The following DTNA variants were observed in gnomAD, a reference collection of about 807,000 sequenced individuals.
The protein encoded by DTNA is dystrobrevin alpha.
In DTNA, 43 loss-of-function variants were observed where a neutral mutation model predicts 100.7. That is an observed-to-expected ratio of 0.43 (90% CI 0.33 to 0.55). The LOEUF is 0.55. Among genes scored for constraint, DTNA ranks in the 20% least tolerant of loss-of-function variants. The pLI, the probability that DTNA is intolerant of heterozygous loss-of-function variation, is 0.04. For synonymous variants in DTNA, 349 were observed against 347.9 expected (o/e 1.00, Z -0.04); for missense variants, 798 against 953.9 (o/e 0.84, Z 2.15).
At position 34,877,692 on chromosome 18, in the gene DTNA, T is replaced by G. The variant is rs750852657; in HGVS notation, c.1904-27T>G. Reference sequence around the variant, plus strand: ...TTTAGGATAGAAGGAAGCTTTGGTTTTTTAAATTATTTCTTCTTCCCTGAA... The same window carrying G: ...TTTAGGATAGAAGGAAGCTTTGGTTGTTTAAATTATTTCTTCTTCCCTGAA... On this transcript the variant is annotated intron_variant, in intron 18 of 22. Coordinates refer to ENST00000444659, the MANE Select transcript of DTNA (RefSeq NM_001386795.1). The G allele has an allele frequency of 1.8e-5, 29 of 1,604,020 alleles. No homozygotes were observed. The Admixed American group carries it at 2.5e-4, about 14-fold the overall frequency.
intron 1 of DTNA, among the ~76,000 whole-genome samples, chr18:34,521,931 G>A (rs1032283695): frequency 1.3e-5 from 2 of 152,112 alleles, no homozygotes; most frequent in African/African-American, 4.8e-5. Flanking sequence ...CAAGGGAAGG[G>A]ATTTTTATCT....
intron 3 of DTNA, among the ~76,000 whole-genome samples, chr18:34,776,490 T>C (rs1817451): frequency 0.98 from 149,915 of 152,254 alleles, 73,837 homozygotes; most frequent in East Asian, 1. Context: ...TACAGGCACT[T>C]GCCACCACAC....
intron 1 of DTNA, among the ~76,000 whole-genome samples, chr18:34,704,249 T>C (rs1420875809): frequency 6.6e-6 from 1 of 152,208 alleles, no homozygotes. Context: ...TAATTACTTG[T>C]CCTTTCCCCA....
chr18:34,775,040 A>G (rs1021692660), intron 3 of DTNA, among the ~76,000 whole-genome samples: 1 of 152,206 alleles, frequency 6.6e-6, no homozygotes, highest in Non-Finnish European at 1.5e-5. Flanking sequence ...AAAACTTCCT[A>G]TCCCCTGAGC....
intron 1 of DTNA, among the ~76,000 whole-genome samples, chr18:34,571,058 G>A (rs1255966322): frequency 6.6e-6 from 1 of 152,152 alleles, no homozygotes; most frequent in African/African-American, 2.4e-5. Context: ...TCTTTTCACA[G>A]ATAAGGACAC....
At chr18:34,827,795 G>A in intron 10 of DTNA, 119 bp downstream of exon 10, 2 of 1,015,542 alleles carry the variant, frequency 2.0e-6, no homozygotes, top group Middle Eastern at 2.1e-4. Context: ...AAACTAACTT[G>A]CAAATATCCA....
In DTNA at chr18:34,523,398, T is replaced by C. The variant is rs74642502; in HGVS notation, c.-2+29884T>C. ...TACACCTTGAAAATCTACTTTAATATCACCTGTGTAGTGTTCCATTTGCCC... is the reference window on the plus strand; with the variant it reads ...TACACCTTGAAAATCTACTTTAATACCACCTGTGTAGTGTTCCATTTGCCC... On this transcript the variant is annotated intron_variant, in intron 1 of 19. Coordinates refer to the DTNA transcript ENST00000283365. Among the ~76,000 whole-genome samples the C allele has an allele frequency of 6.5e-3, 993 of 152,174 alleles. 15 individuals carry two copies. The highest frequency in any genetic ancestry group is 0.023 in the African/African-American group (953 of 41,542).
At chr18:34,728,356 C>T (rs1028517152) in intron 1 of DTNA, among the ~76,000 whole-genome samples, 1 of 152,030 alleles carries the variant, frequency 6.6e-6, no homozygotes, top group Non-Finnish European at 1.5e-5. Context: ...TAGGCTCCTC[C>T]TGCTGCAGGT....
chr18:34,887,241 G>A (rs900677993), intron 22 of DTNA, among the ~76,000 whole-genome samples: 1 of 152,164 alleles, frequency 6.6e-6, no homozygotes, highest in Non-Finnish European at 1.5e-5. Flanking sequence ...CACTTTTGAA[G>A]AAACGGTATA....
chr18:34,513,250 A>G (rs1301530029), intron 1 of DTNA, among the ~76,000 whole-genome samples: 1 of 152,154 alleles, frequency 6.6e-6, no homozygotes, highest in Non-Finnish European at 1.5e-5. Flanking sequence ...ATAGAAATCT[A>G]TAACACAAGC....
At chr18:34,519,948 A>AT (rs2042005096) in intron 1 of DTNA, among the ~76,000 whole-genome samples, 1 of 152,180 alleles carries the variant, frequency 6.6e-6, no homozygotes, top group Non-Finnish European at 1.5e-5. Flanking sequence ...CTGAAATACC[A>AT]TAGTACCTAT....
intron 1 of DTNA, among the ~76,000 whole-genome samples, chr18:34,550,760 T>G (rs903327136): frequency 6.6e-6 from 1 of 152,168 alleles, no homozygotes; most frequent in African/African-American, 2.4e-5. Context: ...CTATTACTTC[T>G]AAGAGACAGT....
At chr18:34,858,115 A>G (rs564853119) in intron 15 of DTNA, among the ~76,000 whole-genome samples, 170 bp from the exon 16 acceptor site, 3 of 152,320 alleles carry the variant, frequency 2.0e-5, no homozygotes, top group Admixed American at 2.0e-4. Flanking sequence ...ATCTAGCTAT[A>G]GTCAAAGCCT....
Position 34,866,510 on chromosome 18 carries a change from A to G in DTNA, c.1743+2448A>G, listed in dbSNP as rs889684917. 7.0e-6 allele frequency: 8 copies of G among 1,147,612 alleles called. No homozygotes were observed. The East Asian group carries it at 2.3e-4, about 33-fold the overall frequency. 71.1% of individuals were successfully genotyped at this position (1,147,612 alleles called of 1,614,324 possible). A position where few individuals can be genotyped will look rare whatever the true frequency, so the allele number is the denominator to read the frequency against. On this transcript the variant is annotated intron_variant, in intron 17 of 22. Transcript: ENST00000444659. ...AGTCACTAGAGATACCCTGAGGTTC[A>G]TGTCATCCCAAAACCCACAGCACTC...
At chr18:34,729,209 C>T (rs1185931142) in intron 1 of DTNA, among the ~76,000 whole-genome samples, 2 of 152,166 alleles carry the variant, frequency 1.3e-5, no homozygotes, top group African/African-American at 2.4e-5. Flanking sequence ...ATTATGTGCA[C>T]TTTCAAATAA....
chr18:34,809,878 GGTGTTCCCTGT>G (rs1381082096), intron 5 of DTNA, among the ~76,000 whole-genome samples: 4 of 152,154 alleles, frequency 2.6e-5, no homozygotes. Context: ...TCAGTGGTAG[GGTGTTCCCTGT>G]GTAATTCCAG....
At chr18:34,498,670 G>T (rs1340636483) in intron 1 of DTNA, among the ~76,000 whole-genome samples, 1 of 151,816 alleles carries the variant, frequency 6.6e-6, no homozygotes, top group African/African-American at 2.4e-5. Flanking sequence ...GCCAATACCT[G>T]CCCACAGCAA....
chr18:34,826,653 A>G (rs894159177), intron 9 of DTNA, among the ~76,000 whole-genome samples: 4 of 152,178 alleles, frequency 2.6e-5, no homozygotes, highest in African/African-American at 9.6e-5. Flanking sequence ...ACTCAAATAT[A>G]GAATTATAGT....
At chr18:34,694,470 T>A (rs1600323928) in intron 1 of DTNA, among the ~76,000 whole-genome samples, 1 of 152,338 alleles carries the variant, frequency 6.6e-6, no homozygotes, top group East Asian at 1.9e-4. Context: ...AGAGTTTATT[T>A]TAGTGAAATC....
Sources: gnomAD v4.1 joint callset for allele counts (sites outside exome capture counted in the v4.1 genomes callset) on GRCh38, gnomAD v4.1.1 for gene constraint, MANE v1.5 for transcripts, NCBI Gene and HGNC (gene_info 2026-07-23, HGNC 2026-07-21) for gene names.